The following CAPS2 variants were observed in gnomAD, a reference collection of about 807,000 sequenced individuals.
CAPS2 encodes calcyphosin-2.
CAPS2 carries 98 observed loss-of-function variants against 86.5 expected under a neutral mutation model. The ratio of observed to expected loss-of-function variants is 1.13; its 90% CI spans 0.96 to 1.34. CAPS2 has a LOEUF of 1.34. Ranked by LOEUF, CAPS2 falls within the 40% of genes most tolerant of loss-of-function variation. The pLI is 0.00. For missense variants in CAPS2, 729 were observed against 686.8 expected (o/e 1.06, Z -0.69); for synonymous variants, 210 against 225.1 (o/e 0.93, Z 0.60).
At chr12:75,359,396 G>A (rs1351604128) in intron 1 of CAPS2, among the ~76,000 whole-genome samples, 2 of 40,994 alleles carry the variant, frequency 4.9e-5, no homozygotes, top group East Asian at 1.6e-3. Flanking sequence ...TTGCTGAATT[G>A]ATCTATGAAT....
At chr12:75,311,770 T>C (rs1371544379) in intron 7 of CAPS2, among the ~76,000 whole-genome samples, 1 of 113,926 alleles carries the variant, frequency 8.8e-6, no homozygotes, top group Non-Finnish European at 1.8e-5. Context: ...AGGTTTCAAA[T>C]GAGACAACTG....
chr12:75,389,633 C>T (rs892703623), intron 1 of CAPS2, among the ~76,000 whole-genome samples: 21 of 152,158 alleles, frequency 1.4e-4, no homozygotes, highest in African/African-American at 4.8e-4. Context: ...TCTAGCCATA[C>T]TAAAATACTT....
At chr12:75,370,216 A>G (rs1471389430) in intron 1 of CAPS2, 5 of 1,049,694 alleles carry the variant, frequency 4.8e-6, no homozygotes, top group Non-Finnish European at 7.4e-6. Context: ...ATGTTAAAAT[A>G]AAGGAATAGT....
chr12:75,371,805 A>G (rs1228798736), intron 1 of CAPS2, among the ~76,000 whole-genome samples: 1 of 152,224 alleles, frequency 6.6e-6, no homozygotes, highest in African/African-American at 2.4e-5. Flanking sequence ...TTCTTAACAA[A>G]ATAAGGAGAA....
intron 1 of CAPS2, chr12:75,365,060 T>A (rs1286365607): frequency 1.3e-5 from 2 of 152,110 alleles, no homozygotes; most frequent in African/African-American, 4.8e-5. Context: ...ACTAATTATA[T>A]CCCTCAAAAC....
At chr12:75,367,268 G>GAAAAAAAAAAAAAAAAAAAAAAAAAA (rs35250320) in intron 1 of CAPS2, among the ~76,000 whole-genome samples, 1 of 88,738 alleles carries the variant, frequency 1.1e-5, no homozygotes, top group Non-Finnish European at 2.1e-5. Flanking sequence ...TTCCTAGGAG[G>GAAAAAAAAAAAAAAAAAAAAAAAAAA]AAAAAAAAAA....
intron 8 of CAPS2, among the ~76,000 whole-genome samples, chr12:75,304,536 A>G (rs2038208366): frequency 1.3e-5 from 2 of 152,182 alleles, no homozygotes; most frequent in African/African-American, 4.8e-5. Context: ...TTTCCCCTAA[A>G]TTACAAATAA....
chr12:75,293,248 C>T lies in CAPS2; in HGVS notation c.1163+1G>A. On this transcript the variant is annotated splice_donor_variant, in intron 12 of 16. Transcript: ENST00000393284. LOFTEE classifies it high-confidence loss of function. ...AATTGCCAAATGCATATTTAACTTA[C>T]TTGAGAGAATCCAAAGCTATTTGAT... 1.3e-6 allele frequency: 2 copies of T among 1,563,420 alleles called. No homozygotes were observed. The highest frequency in any genetic ancestry group is 1.1e-5 in the South Asian group (1 of 87,336).
chr12:75,306,134 A>G, intron 7 of CAPS2: 1 of 1,141,928 alleles, frequency 8.8e-7, no homozygotes, highest in Non-Finnish European at 1.3e-6. Context: ...AACGTGCGGA[A>G]GCTCATCACC....
At chr12:75,289,487 C>T in intron 14 of CAPS2, 134 bp downstream of exon 14, 2 of 725,956 alleles carry the variant, frequency 2.8e-6, no homozygotes, top group Non-Finnish European at 2.2e-6. Flanking sequence ...GGGCTTGTAA[C>T]CTGATAGCTT....
chr12:75,345,997 A>G (rs1452060022), intron 1 of CAPS2, among the ~76,000 whole-genome samples: 1 of 152,228 alleles, frequency 6.6e-6, no homozygotes, highest in Admixed American at 6.5e-5. Context: ...TCTAAACAAA[A>G]TAAGGGAAAA....
At chr12:75,281,064 T>A (rs893319544) in intron 16 of CAPS2, among the ~76,000 whole-genome samples, 16 of 151,928 alleles carry the variant, frequency 1.1e-4, no homozygotes, top group African/African-American at 3.9e-4. Flanking sequence ...AGGTTTAACC[T>A]CCCTAGTAAT....
At chr12:75,371,937 A>G (rs2044384908) in intron 1 of CAPS2, among the ~76,000 whole-genome samples, 2 of 152,198 alleles carry the variant, frequency 1.3e-5, no homozygotes, top group Non-Finnish European at 2.9e-5. Context: ...GAAACGCTCT[A>G]TGGAGTCTCC....
At position 75,321,391 on chromosome 12, in the gene CAPS2, A is replaced by C. The variant is rs546316697; in HGVS notation, c.468+9T>G. ...TGTCATTAGAATTTTTTAAAGCCTC[A>C]TACATTACCTTTTCATCTATCTTGT... On this transcript the variant is annotated intron_variant, in intron 5 of 16. Transcript: ENST00000393284. 1.1e-5 allele frequency: 16 copies of C among 1,506,952 alleles called. No individual in the cohort carries two copies. In the African/African-American group the frequency reaches 1.7e-4, roughly 16 times the overall value. 93.3% of individuals were successfully genotyped at this position (1,506,952 alleles called of 1,614,324 possible). A position where few individuals can be genotyped will look rare whatever the true frequency, so the allele number is the denominator to read the frequency against.
At chr12:75,334,843 G>A, upstream of CAPS2, 1 of 1,614,094 alleles carries the variant, frequency 6.2e-7, no homozygotes, top group Non-Finnish European at 8.5e-7. Flanking sequence ...CAACTGCATA[G>A]AAGCCCACAA....
At chr12:75,278,827 T>G in exon 17 of CAPS2, 1 of 1,381,882 alleles carries the variant, frequency 7.2e-7, no homozygotes, top group South Asian at 2.1e-5. Context: ...TTGATCATCC[T>G]TTACATTGAT....
intron 5 of CAPS2, among the ~76,000 whole-genome samples, chr12:75,316,783 T>A (rs2039815527): frequency 6.6e-6 from 1 of 152,162 alleles, no homozygotes; most frequent in Non-Finnish European, 1.5e-5. Flanking sequence ...ATTATTATTG[T>A]CCAATTTGAA....
chr12:75,296,265 C>T (rs1334257062), intron 11 of CAPS2, among the ~76,000 whole-genome samples: 2 of 151,476 alleles, frequency 1.3e-5, no homozygotes, highest in African/African-American at 2.4e-5. Context: ...TGCATATATG[C>T]GTGCATATGA....
chr12:75,385,462 T>C (rs796226400), intron 1 of CAPS2, among the ~76,000 whole-genome samples: 9 of 152,012 alleles, frequency 5.9e-5, no homozygotes, highest in African/African-American at 1.9e-4. Context: ...GAGATATTGA[T>C]AAAGATATCA....
Sources: gnomAD v4.1 joint callset for allele counts (sites outside exome capture counted in the v4.1 genomes callset) on GRCh38, gnomAD v4.1.1 for gene constraint, MANE v1.5 for transcripts, NCBI Gene and HGNC (gene_info 2026-07-23, HGNC 2026-07-21) for gene names.